The following ENPP2 variants were observed in gnomAD, a reference collection of about 807,000 sequenced individuals.
ENPP2 encodes the protein autotaxin.
In ENPP2, 51 loss-of-function variants were observed where a neutral mutation model predicts 120.2. The observed-to-expected ratio is 0.42, with a 90% CI of 0.34 to 0.54. ENPP2 has a LOEUF of 0.54. Ranked by LOEUF, ENPP2 falls within the 20% of genes least tolerant of loss-of-function variation. The probability of loss-of-function intolerance (pLI) is 0.04; values close to 1 mark genes in which losing one functional copy is unlikely to be tolerated. For synonymous variants in ENPP2, 365 were observed against 366.4 expected (o/e 1.00, Z 0.04); for missense variants, 920 against 1,066.5 (o/e 0.86, Z 1.91).
intron 14 of ENPP2, 93 bp downstream of exon 14, chr8:119,586,951 C>T (rs2130379172): frequency 9.7e-7 from 1 of 1,032,664 alleles, no homozygotes; most frequent in African/African-American, 1.6e-5. Context: ...TTCCTCCCAC[C>T]CCTCCCCGCC....
At chr8:119,647,053 A>T (rs527655902) in intron 1 of ENPP2, among the ~76,000 whole-genome samples, 3 of 148,590 alleles carry the variant, frequency 2.0e-5, no homozygotes, top group Admixed American at 6.8e-5. Context: ...GCTGGAGTGC[A>T]GTGGCACAAT....
At chr8:119,618,616 T>C in intron 5 of ENPP2, 1 of 247,564 alleles carries the variant, frequency 4.0e-6, no homozygotes, top group South Asian at 4.6e-5. Flanking sequence ...CTGGGCTCAA[T>C]GCAACCTCTG....
intron 2 of ENPP2, among the ~76,000 whole-genome samples, chr8:119,627,921 A>C (rs1362094830): frequency 2.0e-5 from 3 of 150,096 alleles, no homozygotes; most frequent in African/African-American, 7.3e-5. Context: ...ATACCACCTT[A>C]AAGGTAAAAA....
At chr8:119,632,673 A>G (rs1032543564) in intron 2 of ENPP2, among the ~76,000 whole-genome samples, 3 of 152,268 alleles carry the variant, frequency 2.0e-5, no homozygotes, top group African/African-American at 7.2e-5. Context: ...ATTTCATTCA[A>G]ATTCATAATT....
rs768490509 is a variant in ENPP2, at chr8:119,619,273, C to T, written c.450G>A (p.Glu150=). ...GESHWVDDDC[E]EIKAAECPAG... is the part of the protein sequence containing the mutation. The stretch of plus-strand genomic sequence containing the variant: ...CAGGGCATTCTGCGGCCTTTATTTC[C>T]TCACAGTCATCATCAACCCAATGCG... The change falls in exon 5 of 25, where the codon GAG becomes GAA. Residue 150 remains glutamate (E), a synonymous_variant. Transcript: ENST00000075322. 4 of 1,612,874 alleles carry T rather than the reference C, an allele frequency of 2.5e-6. No individual in the cohort carries two copies. Among genetic ancestry groups the T allele is most frequent in the Non-Finnish European group, 3.4e-6 (4 of 1,179,060 alleles).
Position 119,619,310 on chromosome 8 carries a change from A to C in ENPP2, c.419-6T>G, listed in dbSNP as rs1202655392. ...ATCAACCCAATGCGACTCTCCTATA[A>C]GGAAAAATGGGTAAATGTATTGTTG... On this transcript the variant is annotated splice_region_variant and splice_polypyrimidine_tract_variant and intron_variant, in intron 4 of 24. Coordinates refer to ENST00000075322, the MANE Select transcript of ENPP2 (RefSeq NM_001040092.3). The C allele has an allele frequency of 2.5e-6, 4 of 1,601,258 alleles. No homozygotes were observed. Among genetic ancestry groups the C allele is most frequent in the Non-Finnish European group, 3.4e-6 (4 of 1,168,640 alleles).
At chr8:119,564,790 A>G (rs3816330) in intron 23 of ENPP2, 33 bp downstream of exon 23, 87,807 of 1,593,436 alleles carry the variant, frequency 0.055, 4,423 homozygotes, top group African/African-American at 0.2. Context: ...TGGGACTTAA[A>G]AATCACACAC....
intron 9 of ENPP2, among the ~76,000 whole-genome samples, chr8:119,602,472 AAAAG>A (rs1424076135): frequency 6.7e-6 from 1 of 149,834 alleles, no homozygotes. Context: ...AAAAAAAAAA[AAAAG>A]AATAGGCACA....
intron 1 of ENPP2, among the ~76,000 whole-genome samples, chr8:119,658,144 T>C (rs1817820457): frequency 6.6e-6 from 1 of 152,258 alleles, no homozygotes; most frequent in South Asian, 2.1e-4. Flanking sequence ...ATGTGTTTAC[T>C]ATGTGCCAGG....
chr8:119,629,850 T>C (rs1366245284), intron 2 of ENPP2, among the ~76,000 whole-genome samples: 1 of 151,934 alleles, frequency 6.6e-6, no homozygotes, highest in African/African-American at 2.4e-5. Flanking sequence ...AAAATAAATA[T>C]AAGGAAAGTA....
At chr8:119,639,752 G>T (rs1308289013), upstream of ENPP2, among the ~76,000 whole-genome samples, 4 of 152,142 alleles carry the variant, frequency 2.6e-5, no homozygotes, top group Non-Finnish European at 5.9e-5. Flanking sequence ...GTTATTTCTT[G>T]GTTAAATGTA....
At chr8:119,568,139 A>C in intron 22 of ENPP2, 36 bp downstream of exon 22, 1 of 1,063,582 alleles carries the variant, frequency 9.4e-7, no homozygotes, top group Non-Finnish European at 1.5e-6. Context: ...GTTTATTTTC[A>C]TAAATAACAG....
At chr8:119,600,413 T>G (rs565929742) in intron 11 of ENPP2, among the ~76,000 whole-genome samples, 3 of 152,352 alleles carry the variant, frequency 2.0e-5, no homozygotes, top group Non-Finnish European at 4.4e-5. Context: ...CCCACAAGGC[T>G]AGAATACACC....
chr8:119,668,611 G>A (rs1397265756), intron 1 of ENPP2, among the ~76,000 whole-genome samples: 1 of 151,020 alleles, frequency 6.6e-6, no homozygotes, highest in Non-Finnish European at 1.5e-5. Flanking sequence ...CTATTTTTAG[G>A]AGAGACAGGG....
At chr8:119,573,408 T>TTA (rs543356755) in intron 19 of ENPP2, among the ~76,000 whole-genome samples, 11 of 124,386 alleles carry the variant, frequency 8.8e-5, no homozygotes, top group Non-Finnish European at 1.6e-4. Context: ...CTCCGTCTCT[T>TTA]AAAAAAAAAA....
chr8:119,622,813 T>C (rs1469060557), intron 3 of ENPP2, among the ~76,000 whole-genome samples: 1 of 152,154 alleles, frequency 6.6e-6, no homozygotes, highest in Middle Eastern at 3.2e-3. Flanking sequence ...GTGTTCTCGG[T>C]GCCAGGATGT....
intron 1 of ENPP2, 39 bp downstream of exon 1, chr8:119,638,709 A>G: frequency 7.9e-7 from 1 of 1,259,754 alleles, no homozygotes. Flanking sequence ...CTGATTCTGA[A>G]GATCAAGCAT....
intron 2 of ENPP2, among the ~76,000 whole-genome samples, chr8:119,635,842 G>A (rs553078679): frequency 6.6e-6 from 1 of 152,230 alleles, no homozygotes; most frequent in Admixed American, 6.5e-5. Flanking sequence ...AATTATGACA[G>A]TCTGTTTGCA....
chr8:119,578,077 G>A (rs1812472204), intron 19 of ENPP2, among the ~76,000 whole-genome samples: 1 of 152,176 alleles, frequency 6.6e-6, no homozygotes, highest in African/African-American at 2.4e-5. Flanking sequence ...TTGTGAGACA[G>A]TCTCGCTCTG....
Sources: gnomAD v4.1 joint callset for allele counts (sites outside exome capture counted in the v4.1 genomes callset) on GRCh38, gnomAD v4.1.1 for gene constraint, MANE v1.5 for transcripts, NCBI Gene and HGNC (gene_info 2026-07-23, HGNC 2026-07-21) for gene names.